GLI3: variants seen among roughly 807,000 people sequenced by gnomAD.
GLI3 encodes transcription activator GLI3.
Under a neutral mutation model 100.8 loss-of-function variants are expected in GLI3, and 20 were observed. The observed-to-expected ratio is 0.20, with a 90% CI of 0.14 to 0.29. The LOEUF (loss-of-function observed/expected upper bound fraction) is 0.29, where lower values mean the gene tolerates loss of function less well. GLI3 is among the 10% of genes least tolerant of loss of function. GLI3 has a pLI of 1.00. For missense variants in GLI3, 2,040 were observed against 2,128.5 expected (o/e 0.96, Z 0.82); for synonymous variants, 938 against 860.5 (o/e 1.09, Z -1.58).
At chr7:42,079,282 T>A (rs6968300) in intron 3 of GLI3, among the ~76,000 whole-genome samples, 15,395 of 152,168 alleles carry the variant, frequency 0.1, 1,740 homozygotes, top group African/African-American at 0.28. Flanking sequence ...TTCTCTCTCA[T>A]TTAACCATTT....
chr7:42,002,587 T>C (rs1002309529), intron 10 of GLI3, among the ~76,000 whole-genome samples: 3 of 152,238 alleles, frequency 2.0e-5, no homozygotes, highest in Non-Finnish European at 2.9e-5. Context: ...CAGTATTGCC[T>C]GAGAATCTAT....
At position 41,965,753 on chromosome 7, in the gene GLI3, C is replaced by A. The variant is rs778051402; in HGVS notation, c.3320G>T (p.Gly1107Val). ...GGCGCTGGGGAAGTGCTGCTCGTAC[C>A]CTGCTTGGTTCTGGGAATTTAAATA... ...VQYLNSQNQA[G>V]YEQHFPSALP... The change falls in exon 15 of 15, where the codon GGG (glycine) becomes GTG (valine). Residue 1107 changes from glycine (G) to valine (V), a missense_variant. Around this residue, in one of 5 missense-constraint regions of GLI3, gnomAD observed 1,041 missense variants for 924.0 expected, o/e 1.13. Transcript: ENST00000395925. 18 of 1,613,418 alleles carry A rather than the reference C, an allele frequency of 1.1e-5. No homozygotes were observed. The highest frequency in any genetic ancestry group is 1.4e-5 in the Non-Finnish European group (17 of 1,179,932).
chr7:41,971,011 C>T (rs886732628), intron 13 of GLI3, among the ~76,000 whole-genome samples: 2 of 152,204 alleles, frequency 1.3e-5, no homozygotes, highest in Non-Finnish European at 2.9e-5. Flanking sequence ...CAAAGTACAG[C>T]TACCCACTGA....
chr7:42,187,631 A>C (rs1356472702), intron 2 of GLI3, among the ~76,000 whole-genome samples: 1 of 152,208 alleles, frequency 6.6e-6, no homozygotes, highest in African/African-American at 2.4e-5. Context: ...TGGAAACAGC[A>C]TCTTTGCAGA....
chr7:42,128,823 T>A (rs568496383), intron 3 of GLI3, among the ~76,000 whole-genome samples: 5 of 152,254 alleles, frequency 3.3e-5, no homozygotes, highest in African/African-American at 7.2e-5. Flanking sequence ...ATTCCTGTTA[T>A]CACCCTGTGC....
chr7:42,174,968 T>C (rs1419249302), intron 2 of GLI3, among the ~76,000 whole-genome samples: 1 of 152,212 alleles, frequency 6.6e-6, no homozygotes, highest in East Asian at 1.9e-4. Flanking sequence ...TCTGCCCCCA[T>C]GCTGACATGA....
intron 3 of GLI3, among the ~76,000 whole-genome samples, chr7:42,135,560 G>A (rs1325364329): frequency 6.6e-6 from 1 of 152,142 alleles, no homozygotes; most frequent in African/African-American, 2.4e-5. Flanking sequence ...GATCCCAGTG[G>A]TCTTCTTCTT....
In GLI3 at chr7:42,043,816, T is replaced by G. The variant is rs111901299; in HGVS notation, c.826+1568A>C. ...GTAATGCGGGCTGACCTTCCAAGGA[T>G]TCTCTCTTATTTTAATTCTTTATTT... On this transcript the variant is annotated intron_variant, in intron 6 of 14. Transcript: ENST00000395925. Among the ~76,000 whole-genome samples, 98 of 152,348 alleles carry G rather than the reference T, an allele frequency of 6.4e-4. 1 individual carries two copies. Among genetic ancestry groups the G allele is most frequent in the African/African-American group, 2.1e-3 (86 of 41,590 alleles).
chr7:41,973,042 C>T (rs1185013461), intron 12 of GLI3, among the ~76,000 whole-genome samples: 1 of 152,192 alleles, frequency 6.6e-6, no homozygotes, highest in Non-Finnish European at 1.5e-5. Context: ...AGACTGCACA[C>T]CTTTCAGAAG....
intron 3 of GLI3, among the ~76,000 whole-genome samples, chr7:42,137,859 G>C (rs1437129512): frequency 6.6e-6 from 1 of 152,212 alleles, no homozygotes; most frequent in African/African-American, 2.4e-5. Context: ...AGACTGTGTG[G>C]AAAAGGTATA....
chr7:42,033,714 A>G (rs558586608), intron 7 of GLI3, among the ~76,000 whole-genome samples: 1 of 152,294 alleles, frequency 6.6e-6, no homozygotes, highest in Admixed American at 6.5e-5. Flanking sequence ...CCATCCAAAG[A>G]ACCATTTTTT....
At chr7:42,228,910 T>G (rs1167465986) in intron 1 of GLI3, among the ~76,000 whole-genome samples, 4 of 152,196 alleles carry the variant, frequency 2.6e-5, no homozygotes, top group Non-Finnish European at 5.9e-5. Context: ...AGAGGCTTTC[T>G]GTAGTAAATA....
intron 4 of GLI3, among the ~76,000 whole-genome samples, chr7:42,066,303 C>T (rs967204554): frequency 6.6e-6 from 1 of 152,094 alleles, no homozygotes; most frequent in African/African-American, 2.4e-5. Context: ...CCAATACACT[C>T]GGGGGAAGGG....
chr7:42,201,316 G>A (rs764088589), intron 2 of GLI3, among the ~76,000 whole-genome samples: 4 of 152,058 alleles, frequency 2.6e-5, no homozygotes, highest in Non-Finnish European at 5.9e-5. Flanking sequence ...AGAAACCTTG[G>A]GTAAGGAGGG....
chr7:42,129,150 C>T (rs561135056), intron 3 of GLI3, among the ~76,000 whole-genome samples: 2 of 152,300 alleles, frequency 1.3e-5, no homozygotes, highest in South Asian at 2.1e-4. Context: ...GTGCTAGGCA[C>T]TTCTAAGAGC....
At chr7:42,251,315 G>A (rs186745905) in intron 1 of GLI3, among the ~76,000 whole-genome samples, 87 of 152,308 alleles carry the variant, frequency 5.7e-4, no homozygotes, top group African/African-American at 2.0e-3. Context: ...CTCACAAGCA[G>A]CACACAACCT....
chr7:42,204,569 T>C (rs563527574), intron 2 of GLI3, among the ~76,000 whole-genome samples: 1 of 152,356 alleles, frequency 6.6e-6, no homozygotes, highest in East Asian at 1.9e-4. Context: ...TCAAATAAAG[T>C]GCCTGGCACT....
At chr7:42,070,235 T>A (rs1784758241) in intron 4 of GLI3, among the ~76,000 whole-genome samples, 2 of 152,224 alleles carry the variant, frequency 1.3e-5, no homozygotes, top group South Asian at 2.1e-4. Flanking sequence ...CTGATAAGCA[T>A]CTCATTTTTG....
At position 42,168,923 on chromosome 7, in the gene GLI3, A is replaced by T. The variant is rs562030681; in HGVS notation, c.125-20455T>A. On this transcript the variant is annotated intron_variant, in intron 2 of 14. Transcript: ENST00000395925. ...ATGAAGTGAAATCCTGTCTCAAAAA[A>T]ATTAAAAACAAAAAAATAAAAAATA... Among the ~76,000 whole-genome samples, 24 of 152,288 alleles carry T rather than the reference A, an allele frequency of 1.6e-4. 1 individual carries two copies. The South Asian group carries it at 4.6e-3, about 29-fold the overall frequency.
Sources: gnomAD v4.1 joint callset for allele counts (sites outside exome capture counted in the v4.1 genomes callset) on GRCh38, gnomAD v4.1.1 for gene constraint, gnomAD v4.1.1 regional missense constraint, MANE v1.5 for transcripts, NCBI Gene and HGNC (gene_info 2026-07-23, HGNC 2026-07-21) for gene names.